Variants in GATB observed in about 807,000 individuals in gnomAD.
GATB encodes the protein glutamyl-tRNA(Gln) amidotransferase subunit B, mitochondrial.
GATB carries 39 observed loss-of-function variants against 62.3 expected under a neutral mutation model. That is an observed-to-expected ratio of 0.63 (90% CI 0.48 to 0.82). The LOEUF is 0.82. Among genes scored for constraint, GATB ranks in the 40% least tolerant of loss-of-function variants. GATB has a pLI of 0.00. For missense variants in GATB, 670 were observed against 684.0 expected (o/e 0.98, Z 0.23); for synonymous variants, 276 against 258.9 (o/e 1.07, Z -0.63).
intron 2 of GATB, among the ~76,000 whole-genome samples, chr4:151,733,523 G>T (rs1315319137): frequency 6.6e-6 from 1 of 152,126 alleles, no homozygotes; most frequent in East Asian, 1.9e-4. Flanking sequence ...ATTCACTGAA[G>T]AATTCTACCA....
At chr4:151,742,563 G>C (rs1739515062) in intron 2 of GATB, among the ~76,000 whole-genome samples, 1 of 152,176 alleles carries the variant, frequency 6.6e-6, no homozygotes, top group South Asian at 2.1e-4. Context: ...GTGGCAATGG[G>C]ACAGGGGGTA....
chr4:151,726,907 G>A (rs1296813875), intron 2 of GATB, among the ~76,000 whole-genome samples: 1 of 152,036 alleles, frequency 6.6e-6, no homozygotes, highest in African/African-American at 2.4e-5. Context: ...TGGCACTGGG[G>A]CTATCTCTCT....
At chr4:151,734,393 T>G (rs1029384214) in intron 2 of GATB, among the ~76,000 whole-genome samples, 2 of 145,306 alleles carry the variant, frequency 1.4e-5, no homozygotes, top group Non-Finnish European at 1.5e-5. Context: ...AACAAAAGAG[T>G]TGAAGGACCT....
intron 5 of GATB, among the ~76,000 whole-genome samples, chr4:151,710,709 C>T (rs1055896017): frequency 2.0e-5 from 3 of 152,196 alleles, no homozygotes; most frequent in African/African-American, 7.2e-5. Context: ...CCTTTTGCTC[C>T]CAGTTTTCGT....
chr4:151,716,224 T>G (rs1398273310), intron 4 of GATB, 93 bp from the exon 5 acceptor site: 25 of 1,398,334 alleles, frequency 1.8e-5, no homozygotes, highest in Non-Finnish European at 2.3e-5. Context: ...CCTGCCTTAC[T>G]GAAGGACTCT....
Position 151,760,893 on chromosome 4 carries a change from A to AT in GATB, c.89_90insA (p.Pro31SerfsTer10). ...TCTGGTTGGATGTGGACCCAGTCGG[A>AT]GCCCCTCTTCGGTGGCAAGAACCAC... On this transcript the variant is annotated frameshift_variant, in exon 1 of 13. Coordinates refer to ENST00000263985, the MANE Select transcript of GATB (RefSeq NM_004564.3). LOFTEE classifies it high-confidence loss of function. 1.2e-6 allele frequency: 2 copies of AT among 1,614,044 alleles called. No homozygotes were observed. The highest frequency in any genetic ancestry group is 8.5e-7 in the Non-Finnish European group (1 of 1,179,962).
chr4:151,671,047 C>G lies in GATB; in HGVS notation c.*127G>C. ...AACACTGGTGACATTAATGCCATAGCTGTGGCTTGGGACAGGGATTGAGAG... is the reference window on the plus strand; with the variant it reads ...AACACTGGTGACATTAATGCCATAGGTGTGGCTTGGGACAGGGATTGAGAG... On this transcript the variant is annotated 3_prime_UTR_variant, in exon 13 of 13. Coordinates refer to ENST00000263985, the MANE Select transcript of GATB (RefSeq NM_004564.3). The G allele has an allele frequency of 9.2e-7, 1 of 1,086,724 alleles. No homozygotes were observed. Among genetic ancestry groups the G allele is most frequent in the Non-Finnish European group, 1.4e-6 (1 of 733,758 alleles). The allele number at this position is 1,086,724 out of a possible 1,614,324, so 67.3% of individuals were successfully genotyped here.
At chr4:151,722,600 A>G in intron 2 of GATB, 1 of 184,356 alleles carries the variant, frequency 5.4e-6, no homozygotes, top group Non-Finnish European at 1.1e-5. Context: ...TCCTAGTGGG[A>G]CGTCACCACT....
At chr4:151,731,337 C>T (rs1739244295) in intron 2 of GATB, among the ~76,000 whole-genome samples, 1 of 152,234 alleles carries the variant, frequency 6.6e-6, no homozygotes, top group African/African-American at 2.4e-5. Context: ...GGCTGATCTC[C>T]AGCTCCTAAT....
At chr4:151,742,571 G>C (rs566451144) in intron 2 of GATB, among the ~76,000 whole-genome samples, 40 of 152,184 alleles carry the variant, frequency 2.6e-4, no homozygotes, top group Non-Finnish European at 4.7e-4. Context: ...GGGACAGGGG[G>C]TATGGGAGTC....
intron 2 of GATB, among the ~76,000 whole-genome samples, chr4:151,740,349 T>C (rs905952025): frequency 4.6e-5 from 7 of 152,214 alleles, no homozygotes; most frequent in African/African-American, 1.4e-4. Context: ...GGGACAGCCC[T>C]CTACACACCT....
At chr4:151,732,714 T>TAA (rs371222321) in intron 2 of GATB, among the ~76,000 whole-genome samples, 3 of 66,372 alleles carry the variant, frequency 4.5e-5, no homozygotes, top group African/African-American at 5.2e-5. Context: ...GAATGATCAA[T>TAA]AAAAAAAAAA....
intron 2 of GATB, among the ~76,000 whole-genome samples, chr4:151,729,781 A>T (rs902835336): frequency 1.3e-5 from 2 of 152,168 alleles, no homozygotes; most frequent in African/African-American, 4.8e-5. Flanking sequence ...CCCACACAAA[A>T]CTCAAGGAAT....
Position 151,725,997 on chromosome 4 carries a change from G to C in GATB, c.328-6459C>G, listed in dbSNP as rs538476472. Among the ~76,000 whole-genome samples, 5 of 152,280 alleles carry C rather than the reference G, an allele frequency of 3.3e-5. No homozygotes were observed. In the East Asian group the frequency reaches 9.7e-4, roughly 29 times the overall value. On this transcript the variant is annotated intron_variant, in intron 2 of 12. Transcript: ENST00000263985. ...GACTAGAGTCCTTACTGAAAATCCA[G>C]CTGGCAATTCCTCTCAGGCATCAAA...
intron 2 of GATB, among the ~76,000 whole-genome samples, chr4:151,738,989 C>G (rs1415711904): frequency 6.6e-6 from 1 of 152,174 alleles, no homozygotes; most frequent in Non-Finnish European, 1.5e-5. Flanking sequence ...TGACCTTGCT[C>G]ATTGGGATGG....
chr4:151,729,623 G>T (rs1417913279), intron 2 of GATB, among the ~76,000 whole-genome samples: 1 of 151,586 alleles, frequency 6.6e-6, no homozygotes, highest in East Asian at 1.9e-4. Context: ...TCATCCAAAG[G>T]AGGAAAAAAA....
At chr4:151,673,154 GGCT>G (rs748083745) in intron 11 of GATB, 5 of 407,066 alleles carry the variant, frequency 1.2e-5, no homozygotes, top group African/African-American at 2.0e-5. Flanking sequence ...CTCCTCCTGA[GGCT>G]GAAGTCTCCC....
chr4:151,758,901 C>CA lies in GATB; in HGVS notation c.197dup (p.Val67GlyfsTer14), dbSNP rs1560869419. The CA allele has an allele frequency of 1.9e-6, 3 of 1,608,850 alleles. 1 individual carries two copies. In the Admixed American group the frequency reaches 5.1e-5, roughly 27 times the overall value. ...TCTGGGCATGAATTTCCAAACCTAC[C>CA]ACAGCAGCCCATTTGTGTTCACTAA... On this transcript the variant is annotated frameshift_variant, in exon 2 of 13. Transcript: ENST00000263985. LOFTEE classifies it high-confidence loss of function.
intron 2 of GATB, among the ~76,000 whole-genome samples, chr4:151,748,663 G>T (rs1055707475): frequency 6.6e-6 from 1 of 152,114 alleles, no homozygotes; most frequent in African/African-American, 2.4e-5. Flanking sequence ...TTGACAAATG[G>T]GATCTAATTA....
Sources: gnomAD v4.1 joint callset for allele counts (sites outside exome capture counted in the v4.1 genomes callset) on GRCh38, gnomAD v4.1.1 for gene constraint, MANE v1.5 for transcripts, NCBI Gene and HGNC (gene_info 2026-07-23, HGNC 2026-07-21) for gene names.